Variants in DPP10 observed in about 807,000 individuals in gnomAD.
DPP10 encodes the protein dipeptidyl peptidase like 10.
Under a neutral mutation model 120.9 loss-of-function variants are expected in DPP10, and 33 were observed. The observed-to-expected ratio is 0.27, with a 90% CI of 0.21 to 0.37. The LOEUF (loss-of-function observed/expected upper bound fraction) is 0.37, where lower values mean the gene tolerates loss of function less well. DPP10 is among the 10% of genes least tolerant of loss of function. DPP10 has a pLI of 1.00. For missense variants in DPP10, 816 were observed against 942.8 expected (o/e 0.87, Z 1.76); for synonymous variants, 337 against 326.1 (o/e 1.03, Z -0.36).
At chr2:114,805,730 G>A (rs1684667811) in intron 1 of DPP10, among the ~76,000 whole-genome samples, 1 of 152,168 alleles carries the variant, frequency 6.6e-6, no homozygotes, top group South Asian at 2.1e-4. Context: ...AAAGTGAGTG[G>A]ATTAGCTCTC....
intron 2 of DPP10, among the ~76,000 whole-genome samples, chr2:115,339,318 G>A (rs1441253586): frequency 2.0e-5 from 3 of 151,926 alleles, no homozygotes; most frequent in South Asian, 2.1e-4. Context: ...AAATGCTGCC[G>A]AAGATGCAGA....
At chr2:114,717,277 G>A (rs1040125958) in intron 1 of DPP10, among the ~76,000 whole-genome samples, 2 of 152,190 alleles carry the variant, frequency 1.3e-5, no homozygotes, top group African/African-American at 4.8e-5. Context: ...GAGTAGGTCT[G>A]CGAATTCTCA....
intron 25 of DPP10, among the ~76,000 whole-genome samples, chr2:115,841,132 C>T (rs1350382268): frequency 1.1e-4 from 17 of 151,842 alleles, no homozygotes. Context: ...TCTTTTCTTC[C>T]TTTTGTTGTT....
Position 114,816,147 on chromosome 2 carries a change from G to A in DPP10, c.60+373309G>A, listed in dbSNP as rs560649990. ...GCACTGTCTCCAGCTGACACTGTGC[G>A]CCAGTCACGTTGGCCTCTAAACATG... On this transcript the variant is annotated intron_variant, in intron 1 of 25. Coordinates refer to ENST00000410059, the MANE Select transcript of DPP10 (RefSeq NM_020868.6). 5.3e-5 allele frequency among the ~76,000 whole-genome samples: 8 copies of A among 152,256 alleles called. No homozygotes were observed. The South Asian group carries it at 6.2e-4, about 12-fold the overall frequency.
intron 1 of DPP10, among the ~76,000 whole-genome samples, chr2:114,758,292 C>G (rs1268938375): frequency 6.6e-6 from 1 of 152,206 alleles, no homozygotes; most frequent in African/African-American, 2.4e-5. Flanking sequence ...AGAGTGGTCC[C>G]AAAGCCATCC....
chr2:115,054,040 CA>C (rs1257727992), intron 1 of DPP10, among the ~76,000 whole-genome samples: 1 of 152,006 alleles, frequency 6.6e-6, no homozygotes, highest in Non-Finnish European at 1.5e-5. Flanking sequence ...GATTTGAATA[CA>C]AAAAATATGA....
chr2:115,269,383 T>G (rs764471739), intron 1 of DPP10, among the ~76,000 whole-genome samples: 1 of 152,198 alleles, frequency 6.6e-6, no homozygotes, highest in South Asian at 2.1e-4. Flanking sequence ...GGCTTAAAAC[T>G]ACTCATTATC....
chr2:114,501,911 G>GA (rs1445765563), intron 1 of DPP10, among the ~76,000 whole-genome samples: 1 of 145,058 alleles, frequency 6.9e-6, no homozygotes, highest in African/African-American at 2.5e-5. Context: ...ATTTATATGA[G>GA]AAAAAACGAA....
chr2:115,785,972 A>G (rs1340567669), intron 17 of DPP10, among the ~76,000 whole-genome samples: 3 of 151,984 alleles, frequency 2.0e-5, no homozygotes, highest in Admixed American at 2.0e-4. Context: ...GAAATACACT[A>G]ATGTTTAAAT....
intron 3 of DPP10, among the ~76,000 whole-genome samples, chr2:115,453,625 A>C (rs1163302918): frequency 1.3e-5 from 2 of 151,632 alleles, no homozygotes; most frequent in African/African-American, 4.8e-5. Context: ...CATTTATAGA[A>C]TGCAACTAAA....
At chr2:114,776,292 T>A (rs1681729756) in intron 1 of DPP10, among the ~76,000 whole-genome samples, 1 of 152,164 alleles carries the variant, frequency 6.6e-6, no homozygotes, top group Admixed American at 6.5e-5. Flanking sequence ...CCCTTCCCAC[T>A]GCACATTGGA....
chr2:114,628,704 G>A (rs968092414), intron 1 of DPP10, among the ~76,000 whole-genome samples: 2 of 152,084 alleles, frequency 1.3e-5, no homozygotes, highest in Non-Finnish European at 2.9e-5. Context: ...TATCTGAACG[G>A]CGGGGGAAAG....
At chr2:114,502,740 A>G (rs1169651753) in intron 1 of DPP10, among the ~76,000 whole-genome samples, 1 of 152,160 alleles carries the variant, frequency 6.6e-6, no homozygotes, top group Non-Finnish European at 1.5e-5. Context: ...CCTACTCACT[A>G]GGTTAGTAGA....
At chr2:115,283,564 G>C (rs2060244893) in intron 1 of DPP10, among the ~76,000 whole-genome samples, 1 of 151,926 alleles carries the variant, frequency 6.6e-6, no homozygotes, top group African/African-American at 2.4e-5. Context: ...TACTGGTTTT[G>C]GTTATTGGAG....
At chr2:115,315,733 G>GT (rs926275557) in intron 2 of DPP10, among the ~76,000 whole-genome samples, 1 of 151,988 alleles carries the variant, frequency 6.6e-6, no homozygotes, top group East Asian at 1.9e-4. Context: ...GTCTCTGCTT[G>GT]TTTTTTTCAA....
chr2:115,520,267 A>G (rs1037191634), intron 4 of DPP10, among the ~76,000 whole-genome samples: 2 of 152,284 alleles, frequency 1.3e-5, no homozygotes, highest in East Asian at 1.9e-4. Context: ...GCAGTGAGCC[A>G]AGATAGCGCC....
At chr2:115,589,959 A>G (rs2082528884) in intron 5 of DPP10, among the ~76,000 whole-genome samples, 1 of 152,062 alleles carries the variant, frequency 6.6e-6, no homozygotes, top group African/African-American at 2.4e-5. Context: ...AGGCCCTATA[A>G]TGTTCTTTTC....
chr2:114,862,050 A>C (rs1689847333), intron 1 of DPP10, among the ~76,000 whole-genome samples: 1 of 152,146 alleles, frequency 6.6e-6, no homozygotes, highest in South Asian at 2.1e-4. Flanking sequence ...CAGCCCAATG[A>C]CCTTCAAATC....
chr2:114,621,483 G>C (rs1573811943), intron 1 of DPP10, among the ~76,000 whole-genome samples: 1 of 152,196 alleles, frequency 6.6e-6, no homozygotes, highest in Non-Finnish European at 1.5e-5. Context: ...TCTAAATGGT[G>C]AATATTGGGC....
Sources: allele counts gnomAD v4.1 joint callset (sites outside exome capture counted in the v4.1 genomes callset), GRCh38; gene constraint gnomAD v4.1.1; transcripts MANE v1.5; gene names NCBI Gene and HGNC (gene_info 2026-07-23, HGNC 2026-07-21).